CCSER1: variants seen among roughly 807,000 people sequenced by gnomAD.
CCSER1 encodes coiled-coil serine rich protein 1.
A neutral mutation model predicts 82.0 loss-of-function variants in CCSER1; 41 were observed. The ratio of observed to expected loss-of-function variants is 0.50; its 90% CI spans 0.39 to 0.65. The LOEUF (loss-of-function observed/expected upper bound fraction) is 0.65, where lower values mean the gene tolerates loss of function less well. Among genes scored for constraint, CCSER1 ranks in the 30% least tolerant of loss-of-function variants. The pLI is 0.00. For synonymous variants in CCSER1, 414 were observed against 383.9 expected (o/e 1.08, Z -0.92); for missense variants, 1,119 against 1,064.2 (o/e 1.05, Z -0.72).
At chr4:90,874,905 G>A (rs1043144778) in intron 8 of CCSER1, among the ~76,000 whole-genome samples, 4 of 152,082 alleles carry the variant, frequency 2.6e-5, no homozygotes, top group African/African-American at 9.7e-5. Context: ...AATTAGCTGG[G>A]CGTAGTGATG....
intron 5 of CCSER1, among the ~76,000 whole-genome samples, chr4:90,576,583 C>G (rs1780802371): frequency 6.6e-6 from 1 of 152,100 alleles, no homozygotes; most frequent in Non-Finnish European, 1.5e-5. Context: ...CATAGTTTCG[C>G]TTTTTCCAGA....
chr4:91,438,176 T>A lies in CCSER1; in HGVS notation c.2218-160396T>A, dbSNP rs192041571. The stretch of plus-strand genomic sequence containing the variant: ...GAGATCTGAGAATGGGCAGACTACC[T>A]CCTCAAGTGGGTCCCTGACCCCTGA... On this transcript the variant is annotated intron_variant, in intron 10 of 10. Coordinates refer to ENST00000509176, the MANE Select transcript of CCSER1 (RefSeq NM_001145065.2). 1.4e-4 allele frequency among the ~76,000 whole-genome samples: 22 copies of A among 152,292 alleles called. No individual in the cohort carries two copies. In the East Asian group the frequency reaches 3.1e-3, roughly 21 times the overall value.
chr4:91,203,879 A>C (rs1425506517), intron 10 of CCSER1, among the ~76,000 whole-genome samples: 1 of 151,914 alleles, frequency 6.6e-6, no homozygotes, highest in Non-Finnish European at 1.5e-5. Flanking sequence ...AGAGTTTAAT[A>C]GTGATTAGTA....
chr4:90,705,760 G>A (rs1341109605), intron 6 of CCSER1, among the ~76,000 whole-genome samples: 2 of 152,162 alleles, frequency 1.3e-5, no homozygotes, highest in Non-Finnish European at 2.9e-5. Context: ...CATGGTCGTG[G>A]GACCCTCCGA....
At chr4:90,616,217 T>C (rs1465268208) in intron 5 of CCSER1, among the ~76,000 whole-genome samples, 1 of 152,202 alleles carries the variant, frequency 6.6e-6, no homozygotes, top group Non-Finnish European at 1.5e-5. Context: ...TATTGAAATA[T>C]TTGCTTATTG....
At chr4:91,417,095 A>G (rs1476639043) in intron 10 of CCSER1, among the ~76,000 whole-genome samples, 1 of 152,214 alleles carries the variant, frequency 6.6e-6, no homozygotes, top group Non-Finnish European at 1.5e-5. Flanking sequence ...GCAAACAAAC[A>G]TATGAAAAAA....
At chr4:90,665,890 C>T (rs1001468195) in intron 6 of CCSER1, among the ~76,000 whole-genome samples, 5 of 152,056 alleles carry the variant, frequency 3.3e-5, no homozygotes, top group African/African-American at 9.7e-5. Context: ...TTATGTGGAC[C>T]TTCTGACAGT....
Position 90,823,168 on chromosome 4 carries a change from T to TGTGG in CCSER1, c.2094+7326_2094+7329dup, listed in dbSNP as rs201125923. ...AGACTCTTTCCTAAGAAGATTTTTTTGTGGGTCTGAATTCTAAATGTAGGT... is the reference window on the plus strand; with the variant it reads ...AGACTCTTTCCTAAGAAGATTTTTTTGTGGGTGGGTCTGAATTCTAAATGTAGGT... On this transcript the variant is annotated intron_variant, in intron 8 of 10. Coordinates refer to ENST00000509176, the MANE Select transcript of CCSER1 (RefSeq NM_001145065.2). 4.6e-4 allele frequency among the ~76,000 whole-genome samples: 70 copies of TGTGG among 152,264 alleles called. 1 individual carries two copies. The East Asian group carries it at 0.011, about 24-fold the overall frequency.
intron 5 of CCSER1, among the ~76,000 whole-genome samples, chr4:90,541,760 A>G (rs764845563): frequency 1.3e-5 from 2 of 152,058 alleles, no homozygotes; most frequent in Admixed American, 6.6e-5. Context: ...TTATGATGTT[A>G]TGTTTGAAAA....
intron 10 of CCSER1, among the ~76,000 whole-genome samples, chr4:91,273,249 T>G (rs1279491467): frequency 6.6e-6 from 1 of 152,216 alleles, no homozygotes; most frequent in Non-Finnish European, 1.5e-5. Flanking sequence ...GGTTTCCATT[T>G]GTTTGGGTCA....
intron 9 of CCSER1, among the ~76,000 whole-genome samples, chr4:90,945,060 A>G (rs916500989): frequency 6.6e-6 from 1 of 152,142 alleles, no homozygotes; most frequent in Non-Finnish European, 1.5e-5. Context: ...GAAGTGAGAG[A>G]TAGGAGAGAT....
intron 10 of CCSER1, among the ~76,000 whole-genome samples, chr4:91,450,415 G>A (rs1214928302): frequency 2.0e-5 from 3 of 151,992 alleles, no homozygotes; most frequent in African/African-American, 7.2e-5. Context: ...CTGGAATCAT[G>A]GCTTCCAAAT....
intron 10 of CCSER1, among the ~76,000 whole-genome samples, chr4:91,168,463 C>T: frequency 7.0e-6 from 1 of 143,740 alleles, no homozygotes; most frequent in Non-Finnish European, 1.5e-5. Flanking sequence ...GCAGGGAGCA[C>T]CTCTGCCCAG....
At chr4:90,815,064 T>A (rs1170043431) in intron 7 of CCSER1, among the ~76,000 whole-genome samples, 2 of 152,044 alleles carry the variant, frequency 1.3e-5, no homozygotes, top group Non-Finnish European at 2.9e-5. Context: ...AGGAAAAAGG[T>A]TTAATTGATT....
rs116055365 is a variant in CCSER1 at position 90,975,633 on chromosome 4, A to G, written c.2172+52186A>G. ...TACTGCAACTTCTCTCTGCCAGGCC[A>G]TTATATTATTAGTAGTAGTATGGTT... On this transcript the variant is annotated intron_variant, in intron 9 of 10. Transcript: ENST00000509176. Among the ~76,000 whole-genome samples, 464 of 151,290 alleles carry G rather than the reference A, an allele frequency of 3.1e-3. 1 individual carries two copies. Among genetic ancestry groups the G allele is most frequent in the Non-Finnish European group, 4.8e-3 (326 of 67,504 alleles).
At chr4:91,186,995 A>T (rs1387441531) in intron 10 of CCSER1, among the ~76,000 whole-genome samples, 1 of 152,184 alleles carries the variant, frequency 6.6e-6, no homozygotes, top group Non-Finnish European at 1.5e-5. Flanking sequence ...GAGCTAGTTT[A>T]TGGCCAGATT....
intron 10 of CCSER1, among the ~76,000 whole-genome samples, chr4:91,205,666 C>G (rs1219470638): frequency 6.6e-6 from 1 of 151,388 alleles, no homozygotes; most frequent in Non-Finnish European, 1.5e-5. Context: ...CCCTCCCTCC[C>G]TCCTACCCTC....
intron 7 of CCSER1, among the ~76,000 whole-genome samples, chr4:90,737,782 A>G (rs998141171): frequency 7.2e-6 from 1 of 139,080 alleles, no homozygotes; most frequent in East Asian, 2.3e-4. Context: ...GGTGTGCTTC[A>G]TTCTTTTTAC....
At chr4:91,560,391 G>GTGAT (rs1257869299) in intron 10 of CCSER1, among the ~76,000 whole-genome samples, 1 of 151,398 alleles carries the variant, frequency 6.6e-6, no homozygotes, top group Non-Finnish European at 1.5e-5. Context: ...AACATAGTGG[G>GTGAT]TGATTAGTAA....
Sources: allele counts gnomAD v4.1 joint callset (sites outside exome capture counted in the v4.1 genomes callset), GRCh38; gene constraint gnomAD v4.1.1; transcripts MANE v1.5; gene names NCBI Gene and HGNC (gene_info 2026-07-23, HGNC 2026-07-21).